Variants in CADM2 observed in about 807,000 individuals in gnomAD.
The protein encoded by CADM2 is immunoglobulin superfamily member 4D.
A neutral mutation model predicts 49.8 loss-of-function variants in CADM2; 12 were observed. The ratio of observed to expected loss-of-function variants is 0.24; its 90% CI spans 0.15 to 0.39. The LOEUF (loss-of-function observed/expected upper bound fraction) is 0.39. Ranked by LOEUF, CADM2 falls within the 10% of genes least tolerant of loss-of-function variation. CADM2 has a pLI of 1.00. For missense variants in CADM2, 378 were observed against 492.3 expected, an observed-to-expected ratio of 0.77 and a Z score of 2.20; for synonymous variants, 214 against 175.4, an observed-to-expected ratio of 1.22 and a Z score of -1.74.
intron 1 of CADM2, among the ~76,000 whole-genome samples, chr3:85,149,599 T>C (rs1259391721): frequency 6.6e-6 from 1 of 152,054 alleles, no homozygotes; most frequent in Non-Finnish European, 1.5e-5. Flanking sequence ...TAGCCAGGCA[T>C]GGTGGCAGGT....
chr3:85,883,349 T>C lies in CADM2; in HGVS notation c.297T>C (p.Ser99=). The C allele has an allele frequency of 1.2e-6, 2 of 1,613,864 alleles. No homozygotes were observed. Among genetic ancestry groups the C allele is most frequent in the Non-Finnish European group, 8.5e-7 (1 of 1,179,830 alleles). Residue 99 remains serine, a synonymous_variant, in exon 4 of 10, where the codon AGT becomes AGC. Transcript: ENST00000383699. ...VRASWHELSI[S]VSDVSLSDEG... ...CTTCCTGGCATGAATTGAGTATTAGTGTCAGTGATGTGTCTCTCTCTGATG... is the reference window on the plus strand; with the variant it reads ...CTTCCTGGCATGAATTGAGTATTAGCGTCAGTGATGTGTCTCTCTCTGATG...
rs529373781 is a variant in CADM2 at position 85,461,670 on chromosome 3, T to C, written c.62-264852T>C. ...TTTCAGCTGGGCTTTATGATAACCT[T>C]TCATTTTTAACTCCTAACCTATTCT... is the stretch of plus-strand genomic sequence containing the variant. On this transcript the variant is annotated intron_variant, in intron 1 of 9. Coordinates refer to ENST00000383699, the MANE Select transcript of CADM2 (RefSeq NM_001167675.2). 2.5e-4 allele frequency among the ~76,000 whole-genome samples: 38 copies of C among 152,130 alleles called. 1 individual carries two copies. In the South Asian group the frequency reaches 7.9e-3, roughly 32 times the overall value.
intron 1 of CADM2, among the ~76,000 whole-genome samples, chr3:85,256,453 C>T (rs1210243532): frequency 6.6e-6 from 1 of 151,988 alleles, no homozygotes; most frequent in African/African-American, 2.4e-5. Flanking sequence ...AAACTAAGTG[C>T]TCCTATTCAA....
At chr3:85,617,360 A>C (rs531023488) in intron 1 of CADM2, among the ~76,000 whole-genome samples, 1 of 152,282 alleles carries the variant, frequency 6.6e-6, no homozygotes, top group South Asian at 2.1e-4. Context: ...GATATTTTAA[A>C]GCATACAAAT....
At chr3:85,972,773 T>C (rs1726306535) in intron 8 of CADM2, among the ~76,000 whole-genome samples, 2 of 151,792 alleles carry the variant, frequency 1.3e-5, no homozygotes, top group Admixed American at 6.6e-5. Context: ...CAGTTTATTG[T>C]ATACAGCGCT....
At chr3:85,569,626 G>A (rs768855319) in intron 1 of CADM2, among the ~76,000 whole-genome samples, 4 of 150,586 alleles carry the variant, frequency 2.7e-5, no homozygotes, top group Non-Finnish European at 4.4e-5. Flanking sequence ...TCCGATAGGT[G>A]TGTAGTGTCA....
chr3:85,360,775 A>T, intron 1 of CADM2, among the ~76,000 whole-genome samples: 1 of 152,258 alleles, frequency 6.6e-6, no homozygotes, highest in South Asian at 2.1e-4. Flanking sequence ...TTGAAGCATC[A>T]CAAGAGTGTT....
intron 2 of CADM2, among the ~76,000 whole-genome samples, chr3:85,727,697 C>G (rs1286249333): frequency 6.6e-6 from 1 of 152,128 alleles, no homozygotes; most frequent in African/African-American, 2.4e-5. Context: ...ACTATACACA[C>G]TGCACCAGCT....
At chr3:85,837,147 G>A (rs952481550) in intron 3 of CADM2, among the ~76,000 whole-genome samples, 10 of 151,500 alleles carry the variant, frequency 6.6e-5, no homozygotes, top group South Asian at 2.1e-4. Context: ...ATTTCTCATC[G>A]TCCTAACAAC....
At chr3:85,504,316 C>T (rs1232945621) in intron 1 of CADM2, among the ~76,000 whole-genome samples, 1 of 152,114 alleles carries the variant, frequency 6.6e-6, no homozygotes, top group African/African-American at 2.4e-5. Context: ...AAGCTGCAGA[C>T]CTTCGCGGTG....
At chr3:85,192,704 G>A (rs2041237389) in intron 1 of CADM2, among the ~76,000 whole-genome samples, 1 of 151,906 alleles carries the variant, frequency 6.6e-6, no homozygotes, top group South Asian at 2.1e-4. Flanking sequence ...TGTGCGGGAG[G>A]TGGGAAGTAT....
intron 1 of CADM2, among the ~76,000 whole-genome samples, chr3:85,285,249 T>G (rs1281917573): frequency 2.0e-5 from 3 of 152,108 alleles, no homozygotes; most frequent in Non-Finnish European, 4.4e-5. Context: ...GAGGCAAATT[T>G]CATTCTGCAG....
intron 1 of CADM2, among the ~76,000 whole-genome samples, chr3:85,331,505 TATTGTCACTAAAAGTGACA>T (rs1459009171): frequency 2.4e-4 from 36 of 151,406 alleles, no homozygotes; most frequent in South Asian, 8.3e-4. Flanking sequence ...TAAAAGTGAC[TATTGTCACTAAAAGTGACA>T]ATAGTCACTT....
chr3:85,612,559 A>G (rs2063706035), intron 1 of CADM2, among the ~76,000 whole-genome samples: 1 of 151,888 alleles, frequency 6.6e-6, no homozygotes, highest in Admixed American at 6.6e-5. Flanking sequence ...ACTTAAATAT[A>G]GAACTGAAAA....
intron 2 of CADM2, among the ~76,000 whole-genome samples, chr3:85,760,370 A>C (rs745862725): frequency 6.6e-5 from 10 of 150,932 alleles, no homozygotes; most frequent in Admixed American, 5.3e-4. Flanking sequence ...AAATCATTTT[A>C]TCTGAGCAGT....
At chr3:85,464,179 C>G (rs1225667784) in intron 1 of CADM2, among the ~76,000 whole-genome samples, 1 of 151,988 alleles carries the variant, frequency 6.6e-6, no homozygotes, top group Non-Finnish European at 1.5e-5. Flanking sequence ...CCATGACATG[C>G]AAAATTTTTT....
At chr3:85,413,161 A>AAAAAAAAATAATAAT (rs1553720239) in intron 1 of CADM2, among the ~76,000 whole-genome samples, 2 of 108,526 alleles carry the variant, frequency 1.8e-5, no homozygotes, top group African/African-American at 8.1e-5. Flanking sequence ...AAAAAAAAAA[A>AAAAAAAAATAATAAT]AATAATAATA....
intron 1 of CADM2, among the ~76,000 whole-genome samples, chr3:85,527,556 T>C (rs9851444): frequency 0.17 from 25,577 of 149,970 alleles, 2,690 homozygotes; most frequent in Non-Finnish European, 0.23. Flanking sequence ...CTTAAGATAT[T>C]GTTTTTGACA....
chr3:85,577,470 G>T (rs2062666683), intron 1 of CADM2, among the ~76,000 whole-genome samples: 1 of 152,060 alleles, frequency 6.6e-6, no homozygotes. Context: ...CTGCCATGCA[G>T]CAAGAAGGCC....
Sources: allele counts gnomAD v4.1 joint callset (sites outside exome capture counted in the v4.1 genomes callset), GRCh38; gene constraint gnomAD v4.1.1; transcripts MANE v1.5; gene names NCBI Gene and HGNC (gene_info 2026-07-23, HGNC 2026-07-21).